TAFA2: variants seen among roughly 807,000 people sequenced by gnomAD.
TAFA2 encodes the protein TAFA chemokine like family member 2, also known as chemokine-like protein TAFA-2.
A neutral mutation model predicts 18.8 loss-of-function variants in TAFA2; 7 were observed. The ratio of observed to expected loss-of-function variants is 0.37; its 90% CI spans 0.21 to 0.70. The LOEUF (loss-of-function observed/expected upper bound fraction) is 0.70, where lower values mean the gene tolerates loss of function less well. Among genes scored for constraint, TAFA2 ranks in the 30% least tolerant of loss-of-function variants. The probability of loss-of-function intolerance (pLI) is 0.53; values close to 1 mark genes in which losing one functional copy is unlikely to be tolerated. For synonymous variants in TAFA2, 60 were observed against 54.2 expected (o/e 1.11, Z -0.47); for missense variants, 122 against 158.1 (o/e 0.77, Z 1.23).
intron 2 of TAFA2, among the ~76,000 whole-genome samples, chr12:61,823,036 AT>A (rs79658863): frequency 0.017 from 2,584 of 151,944 alleles, 59 homozygotes; most frequent in East Asian, 0.1. Flanking sequence ...TCTTTTAGTT[AT>A]TTTTTTATTC....
At chr12:61,845,585 T>C (rs963311701) in intron 2 of TAFA2, among the ~76,000 whole-genome samples, 2 of 152,178 alleles carry the variant, frequency 1.3e-5, no homozygotes, top group Non-Finnish European at 2.9e-5. Context: ...AGAGTTGGTA[T>C]TAGGTCTTTG....
At chr12:62,183,265 G>A (rs1027840359) in intron 1 of TAFA2, among the ~76,000 whole-genome samples, 3 of 152,180 alleles carry the variant, frequency 2.0e-5, no homozygotes, top group Non-Finnish European at 4.4e-5. Context: ...CTACAAGCCA[G>A]GAAGATGACC....
intron 2 of TAFA2, among the ~76,000 whole-genome samples, chr12:61,848,532 A>G (rs1873500830): frequency 6.6e-6 from 1 of 152,196 alleles, no homozygotes; most frequent in Non-Finnish European, 1.5e-5. Flanking sequence ...TGTACATAAG[A>G]TATTTTGTTT....
At chr12:61,899,178 T>A (rs1875988079) in intron 1 of TAFA2, among the ~76,000 whole-genome samples, 1 of 152,190 alleles carries the variant, frequency 6.6e-6, no homozygotes, top group Non-Finnish European at 1.5e-5. Context: ...TTCCAATCTT[T>A]CCTACATCTT....
At chr12:61,765,408 CA>C (rs377460317) in intron 2 of TAFA2, among the ~76,000 whole-genome samples, 13 of 152,084 alleles carry the variant, frequency 8.5e-5, no homozygotes, top group African/African-American at 3.1e-4. Flanking sequence ...TATGTTAAGC[CA>C]ATGATTTTGA....
chr12:61,978,321 G>T (rs1879508547), intron 1 of TAFA2, among the ~76,000 whole-genome samples: 1 of 151,876 alleles, frequency 6.6e-6, no homozygotes, highest in South Asian at 2.1e-4. Context: ...AATAAATTTG[G>T]TGAATTTGAT....
At chr12:61,928,420 C>T in intron 1 of TAFA2, among the ~76,000 whole-genome samples, 1 of 149,384 alleles carries the variant, frequency 6.7e-6, no homozygotes, top group Admixed American at 6.6e-5. Flanking sequence ...ATAAAGAGCT[C>T]ATCATCAGTG....
chr12:61,742,202 A>ATTCTTATT (rs1341684015), intron 4 of TAFA2, among the ~76,000 whole-genome samples: 2 of 152,040 alleles, frequency 1.3e-5, no homozygotes, highest in Non-Finnish European at 2.9e-5. Context: ...GCCCATATTT[A>ATTCTTATT]TTCTTATTTT....
chr12:62,221,267 T>TA (rs2062761778), intron 1 of TAFA2, among the ~76,000 whole-genome samples: 1 of 73,726 alleles, frequency 1.4e-5, no homozygotes, highest in Non-Finnish European at 2.8e-5. Context: ...GGAAGGAAGT[T>TA]TGAAAGAAAA....
At chr12:61,839,666 A>C (rs1479835801) in intron 2 of TAFA2, among the ~76,000 whole-genome samples, 1 of 152,094 alleles carries the variant, frequency 6.6e-6, no homozygotes, top group East Asian at 1.9e-4. Context: ...CAAATACAGC[A>C]TGTTCTCACT....
chr12:61,751,681 G>A (rs1454821638), intron 4 of TAFA2, among the ~76,000 whole-genome samples: 1 of 151,982 alleles, frequency 6.6e-6, no homozygotes, highest in Non-Finnish European at 1.5e-5. Context: ...AGAGGATAAT[G>A]TCTTATAACT....
rs972455666 is a variant in TAFA2 at position 62,125,432 on chromosome 12, C to A, written c.-2+65827G>T. On this transcript the variant is annotated intron_variant, in intron 1 of 4. Transcript: ENST00000416284. Reference sequence around the variant, plus strand: ...TTAGCAATAACATATCTTCATGCATCCCCAACCTCAGCATTCACAGACGAA... The same window carrying A: ...TTAGCAATAACATATCTTCATGCATACCCAACCTCAGCATTCACAGACGAA... Among the ~76,000 whole-genome samples the A allele has an allele frequency of 2.0e-5, 3 of 152,100 alleles. No individual in the cohort carries two copies. The South Asian group carries it at 6.2e-4, about 32-fold the overall frequency.
At chr12:61,944,776 A>G (rs1167710340) in intron 1 of TAFA2, among the ~76,000 whole-genome samples, 1 of 140,798 alleles carries the variant, frequency 7.1e-6, no homozygotes, top group Non-Finnish European at 1.5e-5. Context: ...ATCTCTGAAT[A>G]GACCAATAAC....
chr12:61,727,188 T>G (rs960714904), intron 4 of TAFA2, among the ~76,000 whole-genome samples: 1 of 152,056 alleles, frequency 6.6e-6, no homozygotes, highest in Admixed American at 6.6e-5. Flanking sequence ...ACTGTAGTTT[T>G]CTTTTTTTAT....
At chr12:62,169,767 C>T (rs1008888701) in intron 1 of TAFA2, among the ~76,000 whole-genome samples, 53 of 147,042 alleles carry the variant, frequency 3.6e-4, no homozygotes, top group African/African-American at 1.3e-3. Flanking sequence ...AGGAGAATGG[C>T]ATGAACCCGG....
chr12:61,869,679 T>C (rs1291508836), intron 1 of TAFA2, among the ~76,000 whole-genome samples: 1 of 152,168 alleles, frequency 6.6e-6, no homozygotes, highest in Non-Finnish European at 1.5e-5. Flanking sequence ...CTTAGAGAAA[T>C]ATTGAGCTAT....
At chr12:62,197,362 C>A (rs1384980893), upstream of TAFA2, among the ~76,000 whole-genome samples, 4 of 152,224 alleles carry the variant, frequency 2.6e-5, no homozygotes, top group Admixed American at 2.6e-4. Context: ...TGGATTGTAA[C>A]TCTATCATAG....
intron 1 of TAFA2, among the ~76,000 whole-genome samples, chr12:61,876,736 A>T (rs1443409432): frequency 6.6e-6 from 1 of 152,208 alleles, no homozygotes; most frequent in Non-Finnish European, 1.5e-5. Context: ...TTATGTGTCA[A>T]AAAGAATGCT....
At chr12:61,994,599 A>G (rs1880121064) in intron 1 of TAFA2, among the ~76,000 whole-genome samples, 1 of 152,066 alleles carries the variant, frequency 6.6e-6, no homozygotes, top group African/African-American at 2.4e-5. Flanking sequence ...AGTCCATTCT[A>G]ATCATATTTC....
Sources: allele counts gnomAD v4.1 joint callset (sites outside exome capture counted in the v4.1 genomes callset), GRCh38; gene constraint gnomAD v4.1.1; transcripts MANE v1.5; gene names NCBI Gene and HGNC (gene_info 2026-07-23, HGNC 2026-07-21).